The following RANGAP1 variants were observed in gnomAD, a reference collection of about 807,000 sequenced individuals.
The protein encoded by RANGAP1 is Ran GTPase activating protein 1, also known as ran GTPase-activating protein 1.
A neutral mutation model predicts 63.5 loss-of-function variants in RANGAP1; 38 were observed. That is an observed-to-expected ratio of 0.60 (90% confidence interval 0.46 to 0.78). The LOEUF (loss-of-function observed/expected upper bound fraction) is 0.78. RANGAP1 is among the 30% of genes least tolerant of loss of function. The pLI is 0.00. For missense variants in RANGAP1, 630 were observed against 740.3 expected (o/e 0.85, Z 1.73); for synonymous variants, 329 against 310.5 (o/e 1.06, Z -0.63).
At chr22:41,281,768 G>T in intron 1 of RANGAP1, 1 of 451,568 alleles carries the variant, frequency 2.2e-6, no homozygotes, top group Non-Finnish European at 2.9e-6. Context: ...TCTACCAGAA[G>T]ATTTGGGTAG....
upstream of RANGAP1, among the ~76,000 whole-genome samples, chr22:41,290,108 C>T (rs2035820367): frequency 1.3e-5 from 2 of 149,904 alleles, no homozygotes; most frequent in East Asian, 2.0e-4. Context: ...CAGGCCACTG[C>T]ACTCCAGCCT....
rs904612036 is a variant in RANGAP1 at position 41,276,704 on chromosome 22, G to A, written c.113-1977C>T. Reference sequence around the variant, plus strand: ...GAAAAAAAAAAAGACTAGGCTGGGCGCGGTGGCTCACGCCTGTAATCCCAG... The same window carrying A: ...GAAAAAAAAAAAGACTAGGCTGGGCACGGTGGCTCACGCCTGTAATCCCAG... On this transcript the variant is annotated intron_variant, in intron 2 of 15. Transcript: ENST00000356244. Among the ~76,000 whole-genome samples, 7 of 152,034 alleles carry A rather than the reference G, an allele frequency of 4.6e-5. No individual in the cohort carries two copies. The South Asian group carries it at 6.2e-4, about 14-fold the overall frequency.
At chr22:41,294,737 G>A in the RANGAP1 span, among the ~76,000 whole-genome samples, 14 of 137,196 alleles carry the variant, frequency 1.0e-4, no homozygotes, top group East Asian at 2.9e-3. Context: ...GTCTCTGCCC[G>A]GCCGCCCCAT....
At chr22:41,256,922 C>T in intron 7 of RANGAP1, 98 bp from the exon 8 acceptor site, 1 of 828,284 alleles carries the variant, frequency 1.2e-6, no homozygotes, top group Non-Finnish European at 2.0e-6. Flanking sequence ...CCAAGCCAGC[C>T]ACCACACACT....
At chr22:41,273,587 GA>G (rs1228455643) in intron 3 of RANGAP1, among the ~76,000 whole-genome samples, 2 of 151,510 alleles carry the variant, frequency 1.3e-5, no homozygotes, top group African/African-American at 4.9e-5. Context: ...CCAACATAGT[GA>G]AACCCCGTCT....
At chr22:41,268,252 C>A (rs2034599308) in intron 3 of RANGAP1, 96 bp from the exon 4 acceptor site, 1 of 1,073,242 alleles carries the variant, frequency 9.3e-7, no homozygotes, top group African/African-American at 1.6e-5. Context: ...CAGAGCATCA[C>A]AAGACTTTTT....
chr22:41,245,584 C>T lies in RANGAP1; in HGVS notation c.*1019G>A, dbSNP rs933499882. 1.3e-4 allele frequency: 20 copies of T among 152,354 alleles called. No homozygotes were observed. Among genetic ancestry groups the T allele is most frequent in the African/African-American group, 3.6e-4 (15 of 41,578 alleles). The allele number at this position is 152,354 out of a possible 1,614,324, so 9.4% of individuals were successfully genotyped here. On this transcript the variant is annotated 3_prime_UTR_variant, in exon 16 of 16. Transcript: ENST00000356244. ...CGTACAACGGCCCCCGAGACTATCC[C>T]GCTTTCAGTGAGAGTTTCTGAGTCT...
upstream of RANGAP1, among the ~76,000 whole-genome samples, chr22:41,290,344 C>G (rs1176733021): frequency 6.6e-6 from 1 of 151,278 alleles, no homozygotes; most frequent in Non-Finnish European, 1.5e-5. Context: ...ATTCTCCTGC[C>G]TAAGACTCCC....
chr22:41,277,705 T>C (rs2035240179), intron 2 of RANGAP1, among the ~76,000 whole-genome samples: 1 of 152,178 alleles, frequency 6.6e-6, no homozygotes, highest in African/African-American at 2.4e-5. Context: ...TGCGGGTACC[T>C]TCACTTCCAG....
At chr22:41,250,910 C>A (rs1169583105) in intron 13 of RANGAP1, 97 bp downstream of exon 13, 11 of 991,572 alleles carry the variant, frequency 1.1e-5, no homozygotes, top group Non-Finnish European at 1.7e-5. Flanking sequence ...CCCATGAGAG[C>A]GCTGGGGCTG....
At chr22:41,285,423 G>C in intron 1 of RANGAP1, 2 of 846,446 alleles carry the variant, frequency 2.4e-6, no homozygotes, top group Non-Finnish European at 2.8e-6. Context: ...GTCAGCAAAG[G>C]ATCAGCGCCA....
intron 2 of RANGAP1, among the ~76,000 whole-genome samples, chr22:41,277,109 G>A (rs1398975435): frequency 1.9e-5 from 2 of 107,912 alleles, no homozygotes; most frequent in South Asian, 3.1e-4. Flanking sequence ...ACGGAGTCTC[G>A]CTCTGTTGCC....
intron 3 of RANGAP1, 125 bp downstream of exon 3, chr22:41,274,475 G>A: frequency 7.1e-7 from 1 of 1,412,386 alleles, no homozygotes; most frequent in African/African-American, 1.4e-5. Context: ...AGAGGAAGAG[G>A]AGCTGCTTGG....
At chr22:41,283,369 C>T (rs989010929) in intron 1 of RANGAP1, among the ~76,000 whole-genome samples, 2 of 151,998 alleles carry the variant, frequency 1.3e-5, no homozygotes, top group South Asian at 2.1e-4. Context: ...ATTAGCTGGG[C>T]GTGGTGGCAC....
intron 1 of RANGAP1, chr22:41,285,489 CAG>C (rs778746442): frequency 6.2e-5 from 61 of 984,936 alleles, no homozygotes; most frequent in Middle Eastern, 5.2e-4. Context: ...GCAGCAACGT[CAG>C]AGACTTTCTG....
At chr22:41,294,595 C>G in the RANGAP1 span, among the ~76,000 whole-genome samples, 1 of 143,550 alleles carries the variant, frequency 7.0e-6, no homozygotes, top group African/African-American at 2.6e-5. Context: ...GCCATCCCAT[C>G]TAGGAAGTGA....
At chr22:41,270,011 T>C (rs2034706677) in intron 3 of RANGAP1, among the ~76,000 whole-genome samples, 2 of 151,956 alleles carry the variant, frequency 1.3e-5, no homozygotes, top group African/African-American at 4.8e-5. Context: ...TTTTTTGTAT[T>C]TTTAGTGGAG....
At chr22:41,293,930 C>G in the RANGAP1 span, among the ~76,000 whole-genome samples, 1 of 151,840 alleles carries the variant, frequency 6.6e-6, no homozygotes, top group Non-Finnish European at 1.5e-5. Flanking sequence ...CCCAAAGTGC[C>G]GGGATTATAG....
Position 41,246,293 on chromosome 22 carries a change from G to GCCCTCAGGTGGAGGTCAGCAGAGCA in RANGAP1, c.*309_*310insTGCTCTGCTGACCTCCACCTGAGGG, listed in dbSNP as rs2033023616. 8.2e-6 allele frequency: 2 copies of GCCCTCAGGTGGAGGTCAGCAGAGCA among 244,856 alleles called. No homozygotes were observed. The highest frequency in any genetic ancestry group is 4.5e-5 in the African/African-American group (2 of 44,332). 15.2% of individuals were successfully genotyped at this position (244,856 alleles called of 1,614,324 possible). A position where few individuals can be genotyped will look rare whatever the true frequency, so the allele number is the denominator to read the frequency against. ...GGGCCCAGGCGGAGATCAGCAGAGC[G>GCCCTCAGGTGGAGGTCAGCAGAGCA]CCCTCAGGTGGAGGTGAGTTTAATG... is the stretch of plus-strand genomic sequence containing the variant. On this transcript the variant is annotated 3_prime_UTR_variant, in exon 16 of 16. Transcript: ENST00000356244.
Sources: gnomAD v4.1 joint callset for allele counts (sites outside exome capture counted in the v4.1 genomes callset) on GRCh38, gnomAD v4.1.1 for gene constraint, MANE v1.5 for transcripts, NCBI Gene and HGNC (gene_info 2026-07-23, HGNC 2026-07-21) for gene names.